CD1B: variants seen among roughly 807,000 people sequenced by gnomAD.
CD1B encodes the protein T-cell surface glycoprotein CD1b.
CD1B carries 43 observed loss-of-function variants against 39.8 expected under a neutral mutation model. That is an observed-to-expected ratio of 1.08 (90% CI 0.85 to 1.39). The LOEUF (loss-of-function observed/expected upper bound fraction) is 1.39, where lower values mean the gene tolerates loss of function less well. Ranked by LOEUF, CD1B falls within the 40% of genes most tolerant of loss-of-function variation. The pLI is 0.00. For missense variants in CD1B, 495 were observed against 403.8 expected, an observed-to-expected ratio of 1.23 and a Z score of -1.94; for synonymous variants, 192 against 152.5, an observed-to-expected ratio of 1.26 and a Z score of -1.91.
At chr1:158,293,019 A>G in the CD1B span, 1 of 898,156 alleles carries the variant, frequency 1.1e-6, no homozygotes, top group Non-Finnish European at 1.7e-6. Context: ...GTAAGACCTA[A>G]GGGATACATG....
chr1:158,325,093 A>G (rs6665268), downstream of CD1B, among the ~76,000 whole-genome samples: 7,264 of 151,478 alleles, frequency 0.048, 563 homozygotes, highest in African/African-American at 0.16. Flanking sequence ...CCTTGATTCC[A>G]TCAAGGTAAT....
At chr1:158,325,907 C>A (rs1652335335), downstream of CD1B, among the ~76,000 whole-genome samples, 1 of 152,122 alleles carries the variant, frequency 6.6e-6, no homozygotes, top group Admixed American at 6.5e-5. Flanking sequence ...CATTATATGC[C>A]TCTTGTGAGA....
the CD1B span, among the ~76,000 whole-genome samples, chr1:158,305,043 A>C: frequency 9.9e-5 from 15 of 152,226 alleles, no homozygotes; most frequent in Non-Finnish European, 1.9e-4. Context: ...TCCTCCTCCA[A>C]GGGAACGCAG....
the CD1B span, among the ~76,000 whole-genome samples, chr1:158,307,169 T>G: frequency 4.6e-5 from 7 of 151,740 alleles, no homozygotes; most frequent in Admixed American, 4.6e-4. Flanking sequence ...ATCAACAAAA[T>G]TGACAGACTG....
At chr1:158,298,551 G>A in the CD1B span, among the ~76,000 whole-genome samples, 1 of 152,180 alleles carries the variant, frequency 6.6e-6, no homozygotes, top group Non-Finnish European at 1.5e-5. Flanking sequence ...ATTCTGTGAA[G>A]AAAGTCATTG....
the CD1B span, chr1:158,292,756 T>C: frequency 1.2e-6 from 2 of 1,614,180 alleles, no homozygotes; most frequent in Non-Finnish European, 1.7e-6. Context: ...TTCTTCCTAA[T>C]GCTGATGGGA....
the CD1B span, among the ~76,000 whole-genome samples, chr1:158,318,355 G>A: frequency 1.3e-5 from 2 of 152,192 alleles, no homozygotes; most frequent in Non-Finnish European, 2.9e-5. Context: ...TCCTGTATTG[G>A]GTGCATATAT....
intron 1 of CD1B, 45 bp from the exon 2 acceptor site, chr1:158,331,107 C>G (rs761409779): frequency 2.6e-6 from 4 of 1,536,982 alleles, no homozygotes; most frequent in Non-Finnish European, 3.5e-6. Context: ...AAGAGAGAAG[C>G]AGGAGACAAT....
chr1:158,310,794 T>C, the CD1B span, among the ~76,000 whole-genome samples: 1 of 152,012 alleles, frequency 6.6e-6, no homozygotes, highest in Non-Finnish European at 1.5e-5. Context: ...ATGGCTATTA[T>C]TAAAATGTCA....
At chr1:158,324,947 C>A (rs375818925), downstream of CD1B, among the ~76,000 whole-genome samples, 3 of 152,058 alleles carry the variant, frequency 2.0e-5, no homozygotes, top group South Asian at 6.2e-4. Context: ...ATGATAGATA[C>A]AAGCATTTCA....
chr1:158,320,336 G>C, the CD1B span, among the ~76,000 whole-genome samples: 1,876 of 152,306 alleles, frequency 0.012, 39 homozygotes, highest in African/African-American at 0.04. Flanking sequence ...ACCCTCCGAA[G>C]CAGGTGTGGG....
the CD1B span, among the ~76,000 whole-genome samples, chr1:158,319,845 G>A: frequency 6.6e-6 from 1 of 152,148 alleles, no homozygotes; most frequent in Non-Finnish European, 1.5e-5. Flanking sequence ...TTTTTGATGT[G>A]GATGTCCTTT....
the CD1B span, among the ~76,000 whole-genome samples, chr1:158,288,577 G>A: frequency 2.0e-5 from 3 of 152,068 alleles, no homozygotes; most frequent in African/African-American, 7.2e-5. Context: ...TTTTTTTATC[G>A]AGATGAGGTC....
the CD1B span, chr1:158,293,521 C>T: frequency 6.2e-7 from 1 of 1,613,928 alleles, no homozygotes; most frequent in Non-Finnish European, 8.5e-7. Context: ...ACCCAGCAAC[C>T]CAGGAGCCTA....
At chr1:158,314,644 TTTTTTTA>T in the CD1B span, among the ~76,000 whole-genome samples, 4 of 147,658 alleles carry the variant, frequency 2.7e-5, no homozygotes, top group African/African-American at 1.1e-4. Flanking sequence ...TTTGTTTTGT[TTTTTTTA>T]TTTTTTTATT....
At chr1:158,302,466 T>G in the CD1B span, among the ~76,000 whole-genome samples, 4 of 151,290 alleles carry the variant, frequency 2.6e-5, no homozygotes, top group Non-Finnish European at 4.4e-5. Context: ...AACTGAGAAC[T>G]GAAAACTATA....
intron 4 of CD1B, 24 bp from the exon 5 acceptor site, chr1:158,329,038 G>A: frequency 1.3e-6 from 2 of 1,570,230 alleles, no homozygotes; most frequent in Non-Finnish European, 1.7e-6. Context: ...GAGGACAAAA[G>A]GATGTCACTT....
At chr1:158,306,385 C>A in the CD1B span, among the ~76,000 whole-genome samples, 1 of 152,132 alleles carries the variant, frequency 6.6e-6, no homozygotes, top group Non-Finnish European at 1.5e-5. Flanking sequence ...GCTAACTATC[C>A]TAAATATTTA....
At chr1:158,319,538 G>A in the CD1B span, among the ~76,000 whole-genome samples, 358 of 152,250 alleles carry the variant, frequency 2.4e-3, 3 homozygotes, top group African/African-American at 7.9e-3. Context: ...ACTTCTCTGT[G>A]TTGGTTATTC....
Sources: allele counts gnomAD v4.1 joint callset (sites outside exome capture counted in the v4.1 genomes callset), GRCh38; gene constraint gnomAD v4.1.1; transcripts MANE v1.5; gene names NCBI Gene and HGNC (gene_info 2026-07-23, HGNC 2026-07-21).